Variants in ANKRD17 observed in about 807,000 individuals in gnomAD.
ANKRD17 encodes the protein ankyrin repeat domain-containing protein 17.
ANKRD17 carries 19 observed loss-of-function variants against 229.7 expected under a neutral mutation model. That is an observed-to-expected ratio of 0.08 (90% confidence interval 0.06 to 0.12). The LOEUF is 0.12. Among genes scored for constraint, ANKRD17 ranks in the 10% least tolerant of loss-of-function variants. ANKRD17 has a pLI of 1.00. For missense variants in ANKRD17, 2,176 were observed against 3,176.8 expected (o/e 0.68, Z 7.57); for synonymous variants, 1,112 against 1,146.1 (o/e 0.97, Z 0.60).
At chr4:73,138,135 T>C (rs1729148583) in intron 15 of ANKRD17, among the ~76,000 whole-genome samples, 2 of 152,254 alleles carry the variant, frequency 1.3e-5, no homozygotes, top group South Asian at 4.1e-4. Flanking sequence ...GGGTTAATGG[T>C]TACTGTGCTC....
chr4:73,081,869 G>A (rs116183510), intron 30 of ANKRD17, among the ~76,000 whole-genome samples: 1 of 152,304 alleles, frequency 6.6e-6, no homozygotes, highest in African/African-American at 2.4e-5. Context: ...GGGGCCACTG[G>A]GTGTGGTGGC....
At chr4:73,213,051 A>C (rs1740527106) in intron 1 of ANKRD17, among the ~76,000 whole-genome samples, 1 of 151,614 alleles carries the variant, frequency 6.6e-6, no homozygotes, top group East Asian at 1.9e-4. Flanking sequence ...AAAAAAAGAA[A>C]TATAAGAATT....
At chr4:73,171,876 G>A (rs1253961889) in intron 2 of ANKRD17, among the ~76,000 whole-genome samples, 1 of 151,722 alleles carries the variant, frequency 6.6e-6, no homozygotes, top group Admixed American at 6.6e-5. Flanking sequence ...AGTTGAAGGA[G>A]ACAAAGAAAA....
intron 18 of ANKRD17, among the ~76,000 whole-genome samples, chr4:73,122,874 C>T (rs1726937628): frequency 6.6e-6 from 1 of 152,010 alleles, no homozygotes; most frequent in African/African-American, 2.4e-5. Flanking sequence ...TTTCTCAATG[C>T]CATTATATTT....
At chr4:73,216,698 A>C (rs571378080) in intron 1 of ANKRD17, among the ~76,000 whole-genome samples, 6 of 152,330 alleles carry the variant, frequency 3.9e-5, no homozygotes, top group East Asian at 3.9e-4. Context: ...CTCCCTCTCT[A>C]TATATAATTT....
chr4:73,208,167 C>T (rs1309543153), intron 1 of ANKRD17, among the ~76,000 whole-genome samples: 54 of 119,974 alleles, frequency 4.5e-4, no homozygotes, highest in Middle Eastern at 8.1e-3. Context: ...CCAGCCTGGG[C>T]GACACAGCGA....
At chr4:73,120,019 T>C (rs552482932) in intron 21 of ANKRD17, 143 bp downstream of exon 21, 12 of 817,802 alleles carry the variant, frequency 1.5e-5, no homozygotes, top group Admixed American at 9.2e-5. Flanking sequence ...TGGAAAACAA[T>C]GGGTAGGTTT....
At chr4:73,114,149 T>A (rs1239972199) in intron 23 of ANKRD17, among the ~76,000 whole-genome samples, 1 of 152,172 alleles carries the variant, frequency 6.6e-6, no homozygotes, top group African/African-American at 2.4e-5. Context: ...TAGCAGGCAC[T>A]TCAGAAACTA....
chr4:73,124,253 T>C (rs919604077), intron 18 of ANKRD17, among the ~76,000 whole-genome samples: 7 of 135,054 alleles, frequency 5.2e-5, no homozygotes, highest in African/African-American at 2.1e-4. Flanking sequence ...AGACAACACA[T>C]CTGGTTTATA....
At chr4:73,142,576 T>C in intron 12 of ANKRD17, 64 bp downstream of exon 12, 1 of 1,611,560 alleles carries the variant, frequency 6.2e-7, no homozygotes, top group Non-Finnish European at 8.5e-7. Flanking sequence ...ACATGATATG[T>C]TGTAACAATG....
At chr4:73,231,124 G>A (rs1743001649) in intron 1 of ANKRD17, among the ~76,000 whole-genome samples, 2 of 152,028 alleles carry the variant, frequency 1.3e-5, no homozygotes. Context: ...TCTACCAACA[G>A]AAAGAAATAC....
chr4:73,125,741 A>AAAAAAAAAGAAAAGAAAAG (rs1727360948), intron 16 of ANKRD17, among the ~76,000 whole-genome samples: 1 of 149,608 alleles, frequency 6.7e-6, no homozygotes. Context: ...TCAAAAAAAA[A>AAAAAAAAAGAAAAGAAAAG]AAAAAAAAGA....
chr4:73,107,730 G>A (rs1245973687), intron 24 of ANKRD17, among the ~76,000 whole-genome samples: 2 of 152,170 alleles, frequency 1.3e-5, no homozygotes, highest in Non-Finnish European at 2.9e-5. Flanking sequence ...GCGTGGCTAA[G>A]AACAGTAGCA....
intron 1 of ANKRD17, among the ~76,000 whole-genome samples, chr4:73,245,551 A>G (rs1257722128): frequency 6.6e-6 from 1 of 152,120 alleles, no homozygotes; most frequent in African/African-American, 2.4e-5. Context: ...CTTGCCCACA[A>G]TCTTCTCCCA....
intron 16 of ANKRD17, among the ~76,000 whole-genome samples, chr4:73,126,832 C>T (rs993727450): frequency 5.3e-5 from 8 of 152,096 alleles, no homozygotes; most frequent in African/African-American, 1.9e-4. Flanking sequence ...CCTGGGTTCA[C>T]GCAACGCTCC....
chr4:73,091,814 A>G lies in ANKRD17; in HGVS notation c.5814T>C (p.Thr1938=), dbSNP rs752022639. Residue 1938 remains threonine (T), a synonymous_variant, in exon 29 of 34, where the codon ACT becomes ACC. Coordinates refer to ENST00000358602, the MANE Select transcript of ANKRD17 (RefSeq NM_032217.5). ...PVRPLSPARA[T]NSPKPHMVPR... ...GCACCATGTGAGGCTTAGGCGAGTT[A>G]GTAGCTCTGGCAGGGCTCAAAGGCC... The G allele has an allele frequency of 6.2e-6, 10 of 1,614,088 alleles. No homozygotes were observed. In the East Asian group the frequency reaches 2.2e-4, roughly 36 times the overall value.
intron 16 of ANKRD17, among the ~76,000 whole-genome samples, chr4:73,127,510 C>G (rs1727630809): frequency 6.6e-6 from 1 of 152,096 alleles, no homozygotes; most frequent in Admixed American, 6.6e-5. Flanking sequence ...ATTTCCCTCA[C>G]TTTCACATAT....
At chr4:73,136,600 T>C (rs1410797912) in intron 15 of ANKRD17, among the ~76,000 whole-genome samples, 2 of 152,034 alleles carry the variant, frequency 1.3e-5, no homozygotes, top group Non-Finnish European at 2.9e-5. Context: ...TCCAGACCAA[T>C]AGAAAAGGGC....
chr4:73,102,728 A>G (rs1724159984), intron 24 of ANKRD17, 181 bp from the exon 25 acceptor site: 1 of 599,190 alleles, frequency 1.7e-6, no homozygotes, highest in Non-Finnish European at 2.7e-6. Context: ...TTTTTACAAT[A>G]TCAAGATCAA....
Sources: gnomAD v4.1 joint callset for allele counts (sites outside exome capture counted in the v4.1 genomes callset) on GRCh38, gnomAD v4.1.1 for gene constraint, MANE v1.5 for transcripts, NCBI Gene and HGNC (gene_info 2026-07-23, HGNC 2026-07-21) for gene names.